The following SORCS1 variants were observed in gnomAD, a reference collection of about 807,000 sequenced individuals.
The protein encoded by SORCS1 is VPS10 domain-containing receptor SorCS1.
SORCS1 carries 60 observed loss-of-function variants against 146.1 expected under a neutral mutation model. That is an observed-to-expected ratio of 0.41 (90% CI 0.33 to 0.51). The LOEUF (loss-of-function observed/expected upper bound fraction) is 0.51, where lower values mean the gene tolerates loss of function less well. Among genes scored for constraint, SORCS1 ranks in the 20% least tolerant of loss-of-function variants. The pLI, the probability that SORCS1 is intolerant of heterozygous loss-of-function variation, is 0.21. For synonymous variants in SORCS1, 637 were observed against 584.0 expected (o/e 1.09, Z -1.31); for missense variants, 1,352 against 1,487.6 (o/e 0.91, Z 1.50).
chr10:107,002,020 A>G (rs1320826186), intron 1 of SORCS1, among the ~76,000 whole-genome samples: 2 of 152,222 alleles, frequency 1.3e-5, no homozygotes, highest in Non-Finnish European at 2.9e-5. Flanking sequence ...AGGAAAAAAT[A>G]TCCAAGAATA....
chr10:106,902,476 A>G (rs922995521), intron 2 of SORCS1, among the ~76,000 whole-genome samples: 1 of 152,226 alleles, frequency 6.6e-6, no homozygotes, highest in Non-Finnish European at 1.5e-5. Context: ...TTAAAGTTTG[A>G]GATTTTGAAA....
At chr10:107,039,995 C>T (rs75262139) in intron 1 of SORCS1, among the ~76,000 whole-genome samples, 5,206 of 152,148 alleles carry the variant, frequency 0.034, 275 homozygotes, top group African/African-American at 0.11. Flanking sequence ...CAGGAGTTGA[C>T]GCCGCCATGA....
At chr10:106,741,283 A>AAT in intron 5 of SORCS1, among the ~76,000 whole-genome samples, 1 of 116,290 alleles carries the variant, frequency 8.6e-6, no homozygotes, top group East Asian at 3.4e-4. Flanking sequence ...CTAGGAAGAT[A>AAT]ATGTGTGTCT....
chr10:106,775,369 GA>G (rs145104778), intron 4 of SORCS1, among the ~76,000 whole-genome samples: 5 of 150,630 alleles, frequency 3.3e-5, no homozygotes, highest in Admixed American at 1.3e-4. Flanking sequence ...TGCTCAACAG[GA>G]AAAAAAAATG....
At chr10:107,111,796 C>G (rs898281595) in intron 1 of SORCS1, among the ~76,000 whole-genome samples, 1 of 151,938 alleles carries the variant, frequency 6.6e-6, no homozygotes, top group African/African-American at 2.4e-5. Context: ...TATTAAAAGT[C>G]AAAGACAAAG....
At chr10:107,084,572 A>G (rs1280359228) in intron 1 of SORCS1, among the ~76,000 whole-genome samples, 1 of 152,292 alleles carries the variant, frequency 6.6e-6, no homozygotes, top group Non-Finnish European at 1.5e-5. Context: ...TCTGGCGTAA[A>G]AAAAATAGAA....
chr10:106,953,525 G>GTATA (rs138641344), intron 2 of SORCS1, among the ~76,000 whole-genome samples: 117 of 151,136 alleles, frequency 7.7e-4, no homozygotes, highest in Non-Finnish European at 3.7e-4. Context: ...CTGACTATAT[G>GTATA]TATATATATA....
chr10:106,821,930 A>G (rs1029083803), intron 3 of SORCS1, among the ~76,000 whole-genome samples: 1 of 141,586 alleles, frequency 7.1e-6, no homozygotes, highest in Non-Finnish European at 1.5e-5. Flanking sequence ...TCAAAAAAAT[A>G]AAAAAAAAAA....
intron 22 of SORCS1, 94 bp downstream of exon 22, chr10:106,611,817 T>TGTTC: frequency 1.0e-6 from 1 of 1,004,070 alleles, no homozygotes; most frequent in South Asian, 1.4e-5. Flanking sequence ...TGGGTTAGTT[T>TGTTC]GTTTGTTTTT....
chr10:106,601,155 T>C (rs1228310543), intron 23 of SORCS1, among the ~76,000 whole-genome samples: 1 of 152,200 alleles, frequency 6.6e-6, no homozygotes, highest in Non-Finnish European at 1.5e-5. Flanking sequence ...ACAGCCTAAA[T>C]GAGAAGAAAA....
At chr10:106,816,707 G>T (rs1023911105) in intron 3 of SORCS1, among the ~76,000 whole-genome samples, 1 of 151,990 alleles carries the variant, frequency 6.6e-6, no homozygotes, top group African/African-American at 2.4e-5. Flanking sequence ...TTCTTTTAAA[G>T]AAAGCATACA....
chr10:106,589,687 C>G (rs984994904), intron 24 of SORCS1, among the ~76,000 whole-genome samples: 2 of 121,286 alleles, frequency 1.6e-5, no homozygotes, highest in African/African-American at 3.2e-5. Flanking sequence ...AATTTATCGT[C>G]TTTGACGACG....
chr10:106,750,226 C>T (rs1016444592), intron 5 of SORCS1, among the ~76,000 whole-genome samples: 4 of 151,998 alleles, frequency 2.6e-5, no homozygotes, highest in African/African-American at 9.7e-5. Flanking sequence ...CATAGGAATT[C>T]TTAGTGAAGT....
At chr10:106,781,285 CT>C (rs1318562564) in intron 3 of SORCS1, among the ~76,000 whole-genome samples, 2 of 152,174 alleles carry the variant, frequency 1.3e-5, no homozygotes, top group African/African-American at 2.4e-5. Context: ...CGGGCATATA[CT>C]TTTTCGTACC....
chr10:106,717,925 A>C (rs1384196499), intron 6 of SORCS1, among the ~76,000 whole-genome samples: 1 of 152,190 alleles, frequency 6.6e-6, no homozygotes, highest in African/African-American at 2.4e-5. Flanking sequence ...AATTTATTTC[A>C]CTTTGTATCA....
intron 1 of SORCS1, among the ~76,000 whole-genome samples, chr10:107,014,284 A>AG (rs1564927035): frequency 6.9e-6 from 1 of 144,970 alleles, no homozygotes. Flanking sequence ...AAAAGAAAAA[A>AG]AGAGAGAGAG....
intron 9 of SORCS1, among the ~76,000 whole-genome samples, chr10:106,698,741 T>C (rs1398109849): frequency 2.0e-5 from 3 of 152,202 alleles, no homozygotes; most frequent in Non-Finnish European, 2.9e-5. Flanking sequence ...AAAAGGCCAT[T>C]AGCCAAGGGA....
chr10:106,685,903 G>T (rs552567877), intron 10 of SORCS1, among the ~76,000 whole-genome samples: 210 of 152,318 alleles, frequency 1.4e-3, no homozygotes, highest in African/African-American at 4.6e-3. Flanking sequence ...CTGATATATA[G>T]TAAAATAAAG....
intron 2 of SORCS1, among the ~76,000 whole-genome samples, chr10:106,918,452 C>T (rs7070251): frequency 0.033 from 5,053 of 152,224 alleles, 254 homozygotes; most frequent in African/African-American, 0.11. Context: ...CATGAGCCAC[C>T]GTGCCTGGCT....
Sources: allele counts gnomAD v4.1 joint callset (sites outside exome capture counted in the v4.1 genomes callset), GRCh38; gene constraint gnomAD v4.1.1; transcripts MANE v1.5; gene names NCBI Gene and HGNC (gene_info 2026-07-23, HGNC 2026-07-21).